Variants in FGF14 observed in about 807,000 individuals in gnomAD.
FGF14 encodes fibroblast growth factor homologous factor 4.
FGF14 carries 5 observed loss-of-function variants against 25.5 expected under a neutral mutation model. The observed-to-expected ratio is 0.20, with a 90% confidence interval of 0.10 to 0.41. FGF14 has a LOEUF of 0.41. FGF14 is among the 10% of genes least tolerant of loss of function. The probability of loss-of-function intolerance (pLI) is 1.00; values close to 1 mark genes in which losing one functional copy is unlikely to be tolerated. For missense variants in FGF14, 222 were observed against 320.1 expected (o/e 0.69, Z 2.34); for synonymous variants, 138 against 118.3 (o/e 1.17, Z -1.08).
chr13:102,063,632 G>T (rs558568891), intron 1 of FGF14, among the ~76,000 whole-genome samples: 3 of 151,292 alleles, frequency 2.0e-5, no homozygotes, highest in African/African-American at 7.3e-5. Context: ...AAAAAAGTTC[G>T]CAATGCTAAA....
chr13:101,868,157 C>T (rs566490464), intron 3 of FGF14, among the ~76,000 whole-genome samples: 2 of 152,170 alleles, frequency 1.3e-5, no homozygotes, highest in South Asian at 4.2e-4. Flanking sequence ...ACATTATATG[C>T]ATGAATACAG....
At chr13:102,124,891 T>C (rs2045888350) in intron 1 of FGF14, among the ~76,000 whole-genome samples, 1 of 152,144 alleles carries the variant, frequency 6.6e-6, no homozygotes, top group African/African-American at 2.4e-5. Flanking sequence ...TCCTTCTCTC[T>C]ATATTGAAAA....
At chr13:102,156,892 G>C (rs1187804343) in intron 1 of FGF14, among the ~76,000 whole-genome samples, 3 of 152,178 alleles carry the variant, frequency 2.0e-5, no homozygotes, top group Non-Finnish European at 4.4e-5. Context: ...AATCATGAGT[G>C]AACTCCCATT....
At chr13:102,367,413 G>A (rs2057745312) in intron 1 of FGF14, 2 of 152,304 alleles carry the variant, frequency 1.3e-5, no homozygotes. Context: ...CCAACAGAGA[G>A]CACTGACACA....
Position 101,983,272 on chromosome 13 carries a change from A to G in FGF14, c.209-107976T>C, listed in dbSNP as rs1313024126. Among the ~76,000 whole-genome samples the G allele has an allele frequency of 2.0e-5, 3 of 152,208 alleles. No individual in the cohort carries two copies. In the East Asian group the frequency reaches 5.8e-4, roughly 29 times the overall value. ...ATTCCTGACAAAGGAATTAACCTAT[A>G]GCATATGGCTTAATTCTATATTTTA... On this transcript the variant is annotated intron_variant, in intron 1 of 4. Transcript: ENST00000376131.
chr13:101,735,507 A>C (rs1183168331), intron 3 of FGF14, among the ~76,000 whole-genome samples: 1 of 152,164 alleles, frequency 6.6e-6, no homozygotes, highest in Non-Finnish European at 1.5e-5. Flanking sequence ...TTTTAAAAAG[A>C]GTTTTTAAGA....
chr13:101,720,634 ATTACAAGTTAG>A lies in FGF14; in HGVS notation c.*2186_*2196del, dbSNP rs901358018. ...AGTGTCCATAAGCCCATTTGACTGT[ATTACAAGTTAG>A]TTAATTACTCATATAGTTGGCCACA... On this transcript the variant is annotated 3_prime_UTR_variant, in exon 5 of 5. Coordinates refer to ENST00000376143, the MANE Select transcript of FGF14 (RefSeq NM_004115.4). 6 of 151,752 alleles carry A rather than the reference ATTACAAGTTAG, an allele frequency of 4.0e-5. No homozygotes were observed. The highest frequency in any genetic ancestry group is 1.3e-4 in the Admixed American group (2 of 15,200). 9.4% of individuals were successfully genotyped at this position (151,752 alleles called of 1,614,324 possible). A position where few individuals can be genotyped will look rare whatever the true frequency, so the allele number is the denominator to read the frequency against.
intron 1 of FGF14, among the ~76,000 whole-genome samples, chr13:101,962,576 A>G (rs1049006782): frequency 1.6e-4 from 25 of 152,210 alleles, no homozygotes; most frequent in African/African-American, 5.1e-4. Flanking sequence ...AATAGACATA[A>G]GATAATTTGT....
intron 2 of FGF14, among the ~76,000 whole-genome samples, chr13:101,869,662 G>A (rs567897379): frequency 2.6e-5 from 4 of 152,078 alleles, no homozygotes; most frequent in Non-Finnish European, 5.9e-5. Context: ...TTACAGTGAG[G>A]TTATCTGCTG....
At chr13:101,811,451 C>T (rs1353271852) in intron 3 of FGF14, among the ~76,000 whole-genome samples, 1 of 152,160 alleles carries the variant, frequency 6.6e-6, no homozygotes, top group African/African-American at 2.4e-5. Context: ...TAACTCACTT[C>T]CTTTTAGTGC....
intron 1 of FGF14, among the ~76,000 whole-genome samples, chr13:102,183,958 G>A (rs1252138602): frequency 6.6e-6 from 1 of 152,186 alleles, no homozygotes; most frequent in Non-Finnish European, 1.5e-5. Context: ...CATACAGGGT[G>A]CTGGGTACAT....
chr13:102,251,625 A>C (rs577031052), intron 1 of FGF14, among the ~76,000 whole-genome samples: 1 of 152,168 alleles, frequency 6.6e-6, no homozygotes, highest in Non-Finnish European at 1.5e-5. Context: ...TTCTGAGCCT[A>C]TGGGATTTGG....
chr13:102,297,772 T>C (rs960519304), intron 1 of FGF14, among the ~76,000 whole-genome samples: 10 of 151,672 alleles, frequency 6.6e-5, no homozygotes, highest in Non-Finnish European at 2.9e-5. Flanking sequence ...GGTGTGCATC[T>C]GCAGTCCCAG....
intron 1 of FGF14, among the ~76,000 whole-genome samples, chr13:102,083,230 T>C (rs990987080): frequency 3.3e-5 from 5 of 152,222 alleles, no homozygotes; most frequent in African/African-American, 1.2e-4. Context: ...CCGTCATCTT[T>C]TATCTGGATG....
At chr13:102,167,942 A>G (rs111311902) in intron 1 of FGF14, among the ~76,000 whole-genome samples, 45 of 152,142 alleles carry the variant, frequency 3.0e-4, no homozygotes, top group Middle Eastern at 3.4e-3. Context: ...ACACAAACAT[A>G]CACACACACA....
At chr13:102,278,716 C>T (rs989773800) in intron 1 of FGF14, among the ~76,000 whole-genome samples, 2 of 151,466 alleles carry the variant, frequency 1.3e-5, no homozygotes, top group African/African-American at 4.9e-5. Context: ...CTGAAAAATC[C>T]CTCTCTGCTA....
At chr13:102,401,332 A>G in intron 1 of FGF14, 1 of 784,778 alleles carries the variant, frequency 1.3e-6, no homozygotes. Context: ...TATTCATGCA[A>G]CACCTCTATA....
chr13:102,072,910 G>A (rs890598861), intron 1 of FGF14, among the ~76,000 whole-genome samples: 1 of 152,172 alleles, frequency 6.6e-6, no homozygotes, highest in African/African-American at 2.4e-5. Context: ...TGATATTTGT[G>A]GCAAACTGAA....
At chr13:102,120,845 A>T (rs2045690776) in intron 1 of FGF14, among the ~76,000 whole-genome samples, 1 of 151,978 alleles carries the variant, frequency 6.6e-6, no homozygotes, top group African/African-American at 2.4e-5. Flanking sequence ...CTGGGATTAT[A>T]GGCGCCTGCC....
Sources: allele counts gnomAD v4.1 joint callset (sites outside exome capture counted in the v4.1 genomes callset), GRCh38; gene constraint gnomAD v4.1.1; transcripts MANE v1.5; gene names NCBI Gene and HGNC (gene_info 2026-07-23, HGNC 2026-07-21).